The following MYOM3 variants were observed in gnomAD, a reference collection of about 807,000 sequenced individuals.
MYOM3 encodes myomesin-3.
A neutral mutation model predicts 191.7 loss-of-function variants in MYOM3; 155 were observed. The ratio of observed to expected loss-of-function variants is 0.81; its 90% confidence interval spans 0.71 to 0.92. The LOEUF is 0.92. MYOM3 is among the 40% of genes least tolerant of loss of function. The probability of loss-of-function intolerance (pLI) is 0.00; values close to 1 mark genes in which losing one functional copy is unlikely to be tolerated. For synonymous variants in MYOM3, 757 were observed against 762.9 expected (o/e 0.99, Z 0.13); for missense variants, 1,889 against 1,890.6 (o/e 1.00, Z 0.02).
chr1:24,078,551 C>T (rs1187012908), intron 20 of MYOM3, among the ~76,000 whole-genome samples: 1 of 152,162 alleles, frequency 6.6e-6, no homozygotes, highest in African/African-American at 2.4e-5. Flanking sequence ...TCTGGGTGCT[C>T]CCTAATGAAA....
intron 7 of MYOM3, among the ~76,000 whole-genome samples, chr1:24,095,836 G>A (rs1462904107): frequency 6.6e-6 from 1 of 152,156 alleles, no homozygotes; most frequent in Admixed American, 6.5e-5. Flanking sequence ...CAGAGGCGCG[G>A]GGATTTCTGG....
chr1:24,090,970 A>G lies in MYOM3; in HGVS notation c.1259T>C (p.Ile420Thr), dbSNP rs1193140172. The change falls in exon 12 of 37, where the codon ATC (isoleucine) becomes ACC (threonine). Residue 420 changes from isoleucine to threonine, a missense_variant. Coordinates refer to ENST00000374434, the MANE Select transcript of MYOM3 (RefSeq NM_152372.4). ...CCCTCCGGGGGCCTCATGGCAGGCG[A>G]TCCATTCCCCAGACTCGCCCTGGCA... ...ERCQGESGEW[I>T]ACHEAPGGTC... is the part of the protein sequence containing the mutation. 1 of 1,613,908 alleles carries G rather than the reference A, an allele frequency of 6.2e-7. No homozygotes were observed. Among genetic ancestry groups the G allele is most frequent in the East Asian group, 2.2e-5 (1 of 44,864 alleles).
rs1319829815 is a variant in MYOM3 at position 24,075,393 on chromosome 1, T to A, written c.2784A>T (p.Ser928=). 1 of 1,612,528 alleles carries A rather than the reference T, an allele frequency of 6.2e-7. No homozygotes were observed. Among genetic ancestry groups the A allele is most frequent in the Non-Finnish European group, 8.5e-7 (1 of 1,179,656 alleles). ...AFEAPEAPDS[S]EFQWSKDYKG... The stretch of plus-strand genomic sequence containing the variant: ...TGTAGTCTTTGGACCACTGAAACTC[T>A]GAGGAGTCGGGGGCTTCAGGGGCTT... Residue 928 remains serine (S), a synonymous_variant, in exon 22 of 37, where the codon TCA becomes TCT. Coordinates refer to ENST00000374434, the MANE Select transcript of MYOM3 (RefSeq NM_152372.4).
At chr1:24,075,644 T>A (rs1570864098) in intron 21 of MYOM3, among the ~76,000 whole-genome samples, 169 bp from the exon 22 acceptor site, 1 of 152,172 alleles carries the variant, frequency 6.6e-6, no homozygotes, top group South Asian at 2.1e-4. Flanking sequence ...CCACCTCAAA[T>A]GTCACCTCTT....
At chr1:24,102,002 C>A (rs1466561517) in intron 5 of MYOM3, among the ~76,000 whole-genome samples, 1 of 152,110 alleles carries the variant, frequency 6.6e-6, no homozygotes, top group Non-Finnish European at 1.5e-5. Flanking sequence ...AACTCCATAC[C>A]CCTCTCTGGG....
chr1:24,093,710 C>G (rs947572167), intron 9 of MYOM3, among the ~76,000 whole-genome samples: 3 of 151,838 alleles, frequency 2.0e-5, no homozygotes, highest in African/African-American at 7.3e-5. Flanking sequence ...TGTGAAGGAT[C>G]CGCCCTCCAT....
Position 24,090,188 on chromosome 1 carries a change from A to C in MYOM3, c.1433-70T>G. 4 of 1,288,166 alleles carry C rather than the reference A, an allele frequency of 3.1e-6. No homozygotes were observed. In the Admixed American group the frequency reaches 6.8e-5, roughly 22 times the overall value. The allele number at this position is 1,288,166 out of a possible 1,614,324, so 79.8% of individuals were successfully genotyped here. ...GGAGTTAGGCCAGGAGCTACCCCAC[A>C]CCAGGGTCTGCGTCCTGCCCCGTCC... On this transcript the variant is annotated intron_variant, in intron 12 of 36. Coordinates refer to ENST00000374434, the MANE Select transcript of MYOM3 (RefSeq NM_152372.4).
Position 24,066,131 on chromosome 1 carries a change from G to A in MYOM3, c.3424-130C>T, listed in dbSNP as rs1249009270. 7 of 743,472 alleles carry A rather than the reference G, an allele frequency of 9.4e-6. 1 individual carries two copies. The South Asian group carries it at 9.9e-5, about 11-fold the overall frequency. The allele number at this position is 743,472 out of a possible 1,614,324, so 46.1% of individuals were successfully genotyped here. The stretch of plus-strand genomic sequence containing the variant: ...CCATGTGTCTCCTCTGCTGGCCTCT[G>A]GACTCTGAATTCTTGCTAATGGTTT... On this transcript the variant is annotated intron_variant, in intron 28 of 36. Coordinates refer to ENST00000374434, the MANE Select transcript of MYOM3 (RefSeq NM_152372.4).
intron 13 of MYOM3, 48 bp from the exon 14 acceptor site, chr1:24,089,713 C>T (rs1190970533): frequency 1.2e-5 from 19 of 1,525,620 alleles, no homozygotes; most frequent in Non-Finnish European, 1.7e-5. Flanking sequence ...CCTCAGAGAC[C>T]CCCTAATCTC....
chr1:24,097,977 G>C lies in MYOM3; in HGVS notation c.691C>G (p.Arg231Gly). Residue 231 changes from arginine (R) to glycine (G), a missense_variant, in exon 7 of 37, where the codon CGA becomes GGA. Arg to Gly is a moderately radical substitution (Grantham distance 125). Transcript: ENST00000374434. Reference protein sequence around the residue: ...AIEDSATYTVRVKNAHGQASS... With the variant: ...AIEDSATYTVGVKNAHGQASS... Reference sequence around the variant, plus strand: ...GCCTGGCCGTGGGCGTTCTTCACTCGCACAGTGTAAGTTGCTGAGTCCTCA... The same window carrying C: ...GCCTGGCCGTGGGCGTTCTTCACTCCCACAGTGTAAGTTGCTGAGTCCTCA... The C allele has an allele frequency of 6.2e-7, 1 of 1,613,684 alleles. No homozygotes were observed. The highest frequency in any genetic ancestry group is 8.5e-7 in the Non-Finnish European group (1 of 1,179,558).
At chr1:24,066,764 G>A (rs78023546) in intron 28 of MYOM3, 1 of 495,268 alleles carries the variant, frequency 2.0e-6, no homozygotes, top group East Asian at 3.2e-5. Flanking sequence ...TGACCCCTCA[G>A]AACCCCTTCT....
chr1:24,091,026 C>G (rs201280016), intron 11 of MYOM3, 30 bp from the exon 12 acceptor site: 1 of 1,611,514 alleles, frequency 6.2e-7, no homozygotes, highest in East Asian at 2.2e-5. Context: ...CCTTTCAGCC[C>G]CTGCCCACAA....
At chr1:24,096,915 G>A (rs1219571599) in intron 7 of MYOM3, among the ~76,000 whole-genome samples, 2 of 152,230 alleles carry the variant, frequency 1.3e-5, no homozygotes, top group African/African-American at 4.8e-5. Flanking sequence ...ATCAACTCGG[G>A]CATCTGAGAG....
chr1:24,057,726 C>T (rs1284854587), intron 36 of MYOM3, 99 bp from the exon 37 acceptor site: 1 of 1,022,278 alleles, frequency 9.8e-7, no homozygotes, highest in Non-Finnish European at 1.4e-6. Flanking sequence ...CAGGTTGCTC[C>T]CTGTGATAAT....
chr1:24,086,701 A>G lies in MYOM3; in HGVS notation c.1741T>C (p.Tyr581His), dbSNP rs1402246716. ...GGCTCCGAGGGATCGCTCAGGCCAT[A>G]CTGGTTCATTGCTCGCACTCTGAAG... is the stretch of plus-strand genomic sequence containing the variant. ...YVFRVRAMNQ[Y>H]GLSDPSEPSE... Residue 581 changes from tyrosine (Y) to histidine (H), a missense_variant, in exon 15 of 37, where the codon TAT becomes CAT. By Grantham distance (83) the Tyr-to-His change is moderately conservative. Coordinates refer to ENST00000374434, the MANE Select transcript of MYOM3 (RefSeq NM_152372.4). 2 of 1,614,074 alleles carry G rather than the reference A, an allele frequency of 1.2e-6. No individual in the cohort carries two copies. Among genetic ancestry groups the G allele is most frequent in the Admixed American group, 3.3e-5 (2 of 60,018 alleles).
chr1:24,102,822 G>A (rs1483721725), intron 5 of MYOM3, among the ~76,000 whole-genome samples: 1 of 152,184 alleles, frequency 6.6e-6, no homozygotes, highest in Non-Finnish European at 1.5e-5. Flanking sequence ...CTCCAGCCTG[G>A]CAACAGAGTG....
At chr1:24,090,146 TG>T (rs750395972) in intron 12 of MYOM3, 28 bp from the exon 13 acceptor site, 34 of 1,494,416 alleles carry the variant, frequency 2.3e-5, no homozygotes, top group Non-Finnish European at 2.9e-5. Context: ...CATGGGAGGG[TG>T]GGGGGTGGCA....
chr1:24,111,738 C>G lies in MYOM3; in HGVS notation c.-19+293G>C, dbSNP rs1450973610. ...AGACTCCAGTTCCCAGGGCAGCCCC[C>G]ACTCTTTTTTTTTTTTTTGCAACTT... On this transcript the variant is annotated intron_variant, in intron 1 of 36. Transcript: ENST00000374434. This position sits in a 1 kb window ranked among gnomAD's most constrained non-coding sequence, Gnocchi z 4.7. 6.6e-6 allele frequency among the ~76,000 whole-genome samples: 1 copy of G among 151,572 alleles called. No individual in the cohort carries two copies. The highest frequency in any genetic ancestry group is 1.5e-5 in the Non-Finnish European group (1 of 67,966).
rs754967180 is a variant in MYOM3, at chr1:24,076,127, G to A, written c.2701+32C>T. 4 of 1,557,280 alleles carry A rather than the reference G, an allele frequency of 2.6e-6. No homozygotes were observed. In the African/African-American group the frequency reaches 5.4e-5, roughly 21 times the overall value. ...CCCGTCCCCAGTGGCGTAGCCCAGT[G>A]GCAGAGCTCTGGCCTCTCCGGCCAC... is the stretch of plus-strand genomic sequence containing the variant. On this transcript the variant is annotated intron_variant, in intron 21 of 36. Coordinates refer to ENST00000374434, the MANE Select transcript of MYOM3 (RefSeq NM_152372.4).
Sources: allele counts gnomAD v4.1 joint callset (sites outside exome capture counted in the v4.1 genomes callset), GRCh38; gene constraint gnomAD v4.1.1; non-coding constraint Gnocchi (gnomAD v3.1); transcripts MANE v1.5; gene names NCBI Gene and HGNC (gene_info 2026-07-23, HGNC 2026-07-21).